Variants in APBA1 observed in about 807,000 individuals in gnomAD.
APBA1 encodes the protein amyloid-beta A4 precursor protein-binding family A member 1.
Under a neutral mutation model 86.6 loss-of-function variants are expected in APBA1, and 55 were observed. The observed-to-expected ratio is 0.64, with a 90% CI of 0.51 to 0.80. APBA1 has a LOEUF of 0.80. APBA1 is among the 30% of genes least tolerant of loss of function. APBA1 has a pLI of 0.00. For synonymous variants in APBA1, 511 were observed against 493.9 expected (o/e 1.03, Z -0.46); for missense variants, 1,090 against 1,183.0 (o/e 0.92, Z 1.15).
chr9:69,601,993 G>A (rs1343889066), intron 1 of APBA1, among the ~76,000 whole-genome samples: 2 of 152,146 alleles, frequency 1.3e-5, no homozygotes, highest in African/African-American at 4.8e-5. Context: ...CATGCTTTGA[G>A]AGAAACATTT....
At chr9:69,560,895 T>C (rs1325631947) in intron 1 of APBA1, among the ~76,000 whole-genome samples, 2 of 152,196 alleles carry the variant, frequency 1.3e-5, no homozygotes. Flanking sequence ...TTATTAAACA[T>C]TGCACAACAA....
chr9:69,652,331 C>T (rs1424334201), intron 1 of APBA1, among the ~76,000 whole-genome samples: 1 of 152,134 alleles, frequency 6.6e-6, no homozygotes, highest in Non-Finnish European at 1.5e-5. Context: ...CTGACTCTCG[C>T]TGGGAGAAAT....
At chr9:69,621,282 C>A (rs79012425) in intron 1 of APBA1, among the ~76,000 whole-genome samples, 1 of 152,124 alleles carries the variant, frequency 6.6e-6, no homozygotes, top group African/African-American at 2.4e-5. Context: ...TGTAAGATTA[C>A]GTGAATTATA....
chr9:69,622,655 A>G (rs1307757137), intron 1 of APBA1, among the ~76,000 whole-genome samples: 2 of 152,162 alleles, frequency 1.3e-5, no homozygotes, highest in Non-Finnish European at 2.9e-5. Flanking sequence ...ATAAAGGGAA[A>G]TAAGGCCTTA....
At chr9:69,482,634 A>G (rs539914562) in intron 2 of APBA1, among the ~76,000 whole-genome samples, 68 of 151,692 alleles carry the variant, frequency 4.5e-4, no homozygotes, top group Middle Eastern at 3.4e-3. Flanking sequence ...TATATACCCA[A>G]AGGACTATAA....
chr9:69,552,391 A>AGAT (rs1372943469), intron 1 of APBA1, among the ~76,000 whole-genome samples: 1 of 152,238 alleles, frequency 6.6e-6, no homozygotes, highest in Non-Finnish European at 1.5e-5. Context: ...TATAAAATGA[A>AGAT]GATGTCCTGC....
At chr9:69,659,157 C>T (rs1823702453) in intron 1 of APBA1, among the ~76,000 whole-genome samples, 1 of 152,130 alleles carries the variant, frequency 6.6e-6, no homozygotes. Context: ...TTATACAGAC[C>T]TTCTGGCCAG....
intron 1 of APBA1, among the ~76,000 whole-genome samples, chr9:69,657,140 C>T (rs951407707): frequency 3.3e-5 from 5 of 152,078 alleles, no homozygotes; most frequent in African/African-American, 7.2e-5. Flanking sequence ...CCACCGCGCC[C>T]GGCCTAACCG....
Position 69,435,788 on chromosome 9 carries a change from G to T in APBA1, c.2302-3112C>A, listed in dbSNP as rs199886491. ...TTTCTTTTGCTGTGCAGAAGCTCTT[G>T]AGTTTAATTAGATCCCATTTGTCAA... On this transcript the variant is annotated intron_variant, in intron 11 of 12. Coordinates refer to ENST00000265381, the MANE Select transcript of APBA1 (RefSeq NM_001163.4). Among the ~76,000 whole-genome samples, 7 of 152,236 alleles carry T rather than the reference G, an allele frequency of 4.6e-5. No homozygotes were observed. The East Asian group carries it at 5.8e-4, about 13-fold the overall frequency.
At chr9:69,597,101 T>A (rs1358994764) in intron 1 of APBA1, among the ~76,000 whole-genome samples, 1 of 152,216 alleles carries the variant, frequency 6.6e-6, no homozygotes, top group African/African-American at 2.4e-5. Context: ...TGGGTAAAAG[T>A]TTTAAAAGAC....
chr9:69,525,428 G>A (rs753841440), intron 1 of APBA1, among the ~76,000 whole-genome samples: 6 of 151,922 alleles, frequency 3.9e-5, no homozygotes, highest in Non-Finnish European at 8.8e-5. Flanking sequence ...GCACATCTAT[G>A]CACCAATAAC....
At chr9:69,643,019 A>AACACACAC (rs369247145) in intron 1 of APBA1, among the ~76,000 whole-genome samples, 25 of 141,584 alleles carry the variant, frequency 1.8e-4, no homozygotes, top group African/African-American at 6.2e-4. Context: ...CCCCGCCACA[A>AACACACAC]ACACACACAC....
intron 1 of APBA1, among the ~76,000 whole-genome samples, chr9:69,661,191 G>C (rs7020799): frequency 0.025 from 3,789 of 152,274 alleles, 108 homozygotes; most frequent in African/African-American, 0.075. Flanking sequence ...GAGTGGAGGA[G>C]TTGTGGCAGA....
At chr9:69,562,232 C>A (rs1836957565) in intron 1 of APBA1, among the ~76,000 whole-genome samples, 1 of 152,056 alleles carries the variant, frequency 6.6e-6, no homozygotes. Context: ...CAGTTATAAT[C>A]AACAACAATA....
intron 1 of APBA1, among the ~76,000 whole-genome samples, chr9:69,585,177 A>G (rs1301153077): frequency 6.6e-6 from 1 of 152,232 alleles, no homozygotes. Context: ...TAAATACATA[A>G]TATGTCAGGT....
chr9:69,670,718 C>T (rs1823932602), intron 1 of APBA1, among the ~76,000 whole-genome samples: 1 of 152,250 alleles, frequency 6.6e-6, no homozygotes, highest in South Asian at 2.1e-4. Flanking sequence ...ATTTCTGTGT[C>T]CTTGTTCCCA....
chr9:69,651,783 G>A (rs548150605), intron 1 of APBA1, among the ~76,000 whole-genome samples: 1 of 152,284 alleles, frequency 6.6e-6, no homozygotes, highest in East Asian at 1.9e-4. Flanking sequence ...GTCTCTGACT[G>A]TACTTTAACA....
intron 1 of APBA1, among the ~76,000 whole-genome samples, chr9:69,558,455 T>G (rs1836895658): frequency 6.6e-6 from 1 of 151,930 alleles, no homozygotes; most frequent in African/African-American, 2.4e-5. Context: ...CTTATTCTTG[T>G]TTTCCAATTA....
At chr9:69,543,302 C>T (rs1394889808) in intron 1 of APBA1, among the ~76,000 whole-genome samples, 2 of 151,580 alleles carry the variant, frequency 1.3e-5, no homozygotes, top group Non-Finnish European at 2.9e-5. Flanking sequence ...GGCCTGTCCT[C>T]CACAGCCTGC....
Sources: allele counts gnomAD v4.1 joint callset (sites outside exome capture counted in the v4.1 genomes callset), GRCh38; gene constraint gnomAD v4.1.1; transcripts MANE v1.5; gene names NCBI Gene and HGNC (gene_info 2026-07-23, HGNC 2026-07-21).